The following PEX1 variants were observed in gnomAD, a reference collection of about 807,000 sequenced individuals.
The protein encoded by PEX1 is peroxisomal ATPase PEX1.
Under a neutral mutation model 152.5 loss-of-function variants are expected in PEX1, and 97 were observed. The observed-to-expected ratio is 0.64, with a 90% CI of 0.54 to 0.75. The LOEUF is 0.75. PEX1 is among the 30% of genes least tolerant of loss of function. The pLI, the probability that PEX1 is intolerant of heterozygous loss-of-function variation, is 0.00. For synonymous variants in PEX1, 485 were observed against 531.6 expected (o/e 0.91, Z 1.21); for missense variants, 1,357 against 1,516.3 (o/e 0.89, Z 1.74).
intron 1 of PEX1, 69 bp downstream of exon 1, chr7:92,528,238 G>T: frequency 1.3e-6 from 2 of 1,536,048 alleles, no homozygotes; most frequent in Middle Eastern, 2.2e-4. Context: ...GTCCCGCCGC[G>T]TCCCTGAGAG....
rs551286626 is a variant in PEX1, at chr7:92,488,369, A to C, written c.3768-828T>G. ...CACTAACGTATGTACACATACATAC[A>C]TACTTCAAAGTACTGCAAAATTAGA... On this transcript the variant is annotated intron_variant, in intron 23 of 23. Transcript: ENST00000248633. 2.4e-3 allele frequency among the ~76,000 whole-genome samples: 370 copies of C among 152,336 alleles called. 1 individual carries two copies. The highest frequency in any genetic ancestry group is 8.6e-3 in the African/African-American group (359 of 41,578).
At chr7:92,501,399 A>T in intron 15 of PEX1, 108 bp downstream of exon 15, 1 of 829,380 alleles carries the variant, frequency 1.2e-6, no homozygotes. Context: ...CTCAGTAAAC[A>T]CTTGTTGACT....
At chr7:92,495,138 G>A (rs1234086406) in intron 17 of PEX1, among the ~76,000 whole-genome samples, 11 of 151,742 alleles carry the variant, frequency 7.2e-5, no homozygotes, top group African/African-American at 2.7e-4. Context: ...TGTTTTGTAA[G>A]GGCTCTCTAT....
At chr7:92,489,589 G>T in intron 22 of PEX1, 125 bp downstream of exon 22, 1 of 1,020,832 alleles carries the variant, frequency 9.8e-7, no homozygotes, top group Non-Finnish European at 1.5e-6. Context: ...CCATGACTGA[G>T]TTAATGTGTT....
chr7:92,489,528 C>T (rs1025543038), intron 22 of PEX1, 105 bp from the exon 23 acceptor site: 9 of 1,083,934 alleles, frequency 8.3e-6, no homozygotes, highest in East Asian at 7.6e-5. Context: ...AGAGACCATA[C>T]GTTCTCTTCC....
intron 15 of PEX1, 91 bp downstream of exon 15, chr7:92,501,416 G>C (rs1166965054): frequency 1.0e-6 from 1 of 986,756 alleles, no homozygotes; most frequent in Non-Finnish European, 1.6e-6. Context: ...GACTCACACG[G>C]AGATTGGGCA....
rs116397952 is a variant in PEX1 at position 92,506,888 on chromosome 7, T to C, written c.1803+106A>G. On this transcript the variant is annotated intron_variant, in intron 10 of 23. Transcript: ENST00000248633. ...CATATGTCGTATAAACCCTATATAA[T>C]AGATGGTCAAAACCCACCCTATATA... The C allele has an allele frequency of 8.2e-4, 879 of 1,073,726 alleles. 4 individuals are homozygous for C. The African/African-American group carries it at 0.012, about 15-fold the overall frequency. The allele number at this position is 1,073,726 out of a possible 1,614,324, so 66.5% of individuals were successfully genotyped here. A position where few individuals can be genotyped will look rare whatever the true frequency, so the allele number is the denominator to read the frequency against.
chr7:92,510,283 TG>T (rs1792398336), intron 8 of PEX1, among the ~76,000 whole-genome samples: 1 of 151,982 alleles, frequency 6.6e-6, no homozygotes, highest in Admixed American at 6.6e-5. Context: ...CTGGGCAACA[TG>T]GTGAAACCCT....
intron 5 of PEX1, among the ~76,000 whole-genome samples, chr7:92,516,055 A>AAAAAGAAAAAAG (rs1554374886): frequency 1.6e-4 from 14 of 85,792 alleles, no homozygotes; most frequent in African/African-American, 4.4e-4. Flanking sequence ...AGAGAAGAGA[A>AAAAAGAAAAAAG]AAAAGAAAAG....
chr7:92,522,016 T>C, intron 2 of PEX1, 86 bp downstream of exon 2: 2 of 1,421,062 alleles, frequency 1.4e-6, no homozygotes, highest in Non-Finnish European at 2.0e-6. Flanking sequence ...TCACCTCCTT[T>C]AACAAAAAAT....
At position 92,502,054 on chromosome 7, in the gene PEX1, T is replaced by C; in HGVS notation, c.2252A>G (p.Asn751Ser). The change falls in exon 14 of 24, where the codon AAT becomes AGT. Residue 751 changes from asparagine (N) to serine (S), a missense_variant. Physicochemically the swap from Asn to Ser is conservative, Grantham distance 46. Transcript: ENST00000248633. ...NQEQRCEILC[N>S]VIKNKLDCDI... The stretch of plus-strand genomic sequence containing the variant: ...ACAGTCCAATTTATTTTTTATTACA[T>C]TACACAGAATTTCACATCTTTGTTC... 4.3e-6 allele frequency: 7 copies of C among 1,609,388 alleles called. No individual in the cohort carries two copies. Among genetic ancestry groups the C allele is most frequent in the Non-Finnish European group, 5.1e-6 (6 of 1,176,148 alleles).
rs77025262 is a variant in PEX1 at position 92,497,090 on chromosome 7, A to G, written c.2719-313T>C. On this transcript the variant is annotated intron_variant, in intron 16 of 23. Transcript: ENST00000248633. ...ATCTATGACTCACTCCAGTTACTCC[A>G]AGCCTCCTTACCCTGCTTTTCTTCC... Among the ~76,000 whole-genome samples, 7 of 152,216 alleles carry G rather than the reference A, an allele frequency of 4.6e-5. No homozygotes were observed. In the East Asian group the frequency reaches 1.4e-3, roughly 29 times the overall value.
intron 12 of PEX1, among the ~76,000 whole-genome samples, chr7:92,504,509 C>T (rs1792084690): frequency 6.6e-6 from 1 of 151,976 alleles, no homozygotes; most frequent in African/African-American, 2.4e-5. Flanking sequence ...ATGAAAAACC[C>T]TAAAGGACTA....
At chr7:92,512,590 C>G (rs1792528391) in intron 6 of PEX1, among the ~76,000 whole-genome samples, 1 of 152,118 alleles carries the variant, frequency 6.6e-6, no homozygotes, top group African/African-American at 2.4e-5. Flanking sequence ...CTCCTCAGTT[C>G]AAGTGGTTCT....
chr7:92,509,996 TAGC>T (rs1792380060), intron 8 of PEX1, among the ~76,000 whole-genome samples: 1 of 151,960 alleles, frequency 6.6e-6, no homozygotes, highest in Non-Finnish European at 1.5e-5. Context: ...CTACAAAAAA[TAGC>T]AGGGCATGGT....
rs142977163 is a variant in PEX1, at chr7:92,521,639, G to A, written c.273+463C>T. 7.5e-3 allele frequency among the ~76,000 whole-genome samples: 1,131 copies of A among 151,660 alleles called. 16 individuals carry two copies. The highest frequency in any genetic ancestry group is 0.026 in the African/African-American group (1,067 of 41,314). ...TAGTAGAGAGGGGGGGTTTCACCAC[G>A]TTGGGCAGGCTGGTCTCCAACTCCT... On this transcript the variant is annotated intron_variant, in intron 2 of 23. Transcript: ENST00000248633.
chr7:92,506,321 G>A lies in PEX1; in HGVS notation c.1827C>T (p.Ala609=), dbSNP rs766421421. The A allele has an allele frequency of 8.7e-6, 14 of 1,609,074 alleles. No individual in the cohort carries two copies. The highest frequency in any genetic ancestry group is 1.7e-5 in the Admixed American group (1 of 59,982). ...GGKGSGKSTL[A]KAICKEAFDK... ...CAAATGCTTCTTTACAGATTGCTTT[G>A]GCTAAAGTTGATTTTCCACTTCCCT... is the stretch of plus-strand genomic sequence containing the variant. The change falls in exon 11 of 24, where the codon GCC becomes GCT. Residue 609 remains alanine (A), a synonymous_variant. Transcript: ENST00000248633.
intron 13 of PEX1, among the ~76,000 whole-genome samples, chr7:92,502,367 TA>T (rs1175672344): frequency 6.6e-6 from 1 of 152,180 alleles, no homozygotes; most frequent in Admixed American, 6.5e-5. Context: ...AATTATATCT[TA>T]ATAAAGTTGT....
intron 1 of PEX1, among the ~76,000 whole-genome samples, chr7:92,526,558 T>C (rs1192545895): frequency 6.6e-6 from 1 of 152,226 alleles, no homozygotes; most frequent in Non-Finnish European, 1.5e-5. Context: ...TAAACAAAGA[T>C]GTGTTATTTT....
Sources: gnomAD v4.1 joint callset for allele counts (sites outside exome capture counted in the v4.1 genomes callset) on GRCh38, gnomAD v4.1.1 for gene constraint, MANE v1.5 for transcripts, NCBI Gene and HGNC (gene_info 2026-07-23, HGNC 2026-07-21) for gene names.